Variants in MDGA2 observed in about 807,000 individuals in gnomAD.
MDGA2 encodes the protein MAM domain-containing glycosylphosphatidylinositol anchor protein 2.
In MDGA2, 40 loss-of-function variants were observed where a neutral mutation model predicts 117.8. The ratio of observed to expected loss-of-function variants is 0.34; its 90% CI spans 0.26 to 0.44. MDGA2 has a LOEUF of 0.44. MDGA2 is among the 20% of genes least tolerant of loss of function. The probability of loss-of-function intolerance (pLI) is 1.00; values close to 1 mark genes in which losing one functional copy is unlikely to be tolerated. For synonymous variants in MDGA2, 452 were observed against 439.0 expected, an observed-to-expected ratio of 1.03 and a Z score of -0.37; for missense variants, 1,123 against 1,250.6, an observed-to-expected ratio of 0.90 and a Z score of 1.54.
intron 8 of MDGA2, among the ~76,000 whole-genome samples, chr14:46,978,027 T>C (rs539693229): frequency 6.6e-6 from 1 of 152,112 alleles, no homozygotes; most frequent in South Asian, 2.1e-4. Flanking sequence ...AGAGTATCTT[T>C]ATATTGAACA....
At chr14:47,659,790 T>C (rs548311887) in intron 1 of MDGA2, among the ~76,000 whole-genome samples, 23 of 152,336 alleles carry the variant, frequency 1.5e-4, no homozygotes, top group African/African-American at 5.3e-4. Context: ...ACTAAATGTG[T>C]AAATTGTAAA....
chr14:47,044,242 TTTTA>T (rs1290274322), intron 7 of MDGA2, among the ~76,000 whole-genome samples: 3 of 152,180 alleles, frequency 2.0e-5, no homozygotes, highest in African/African-American at 7.2e-5. Flanking sequence ...ATATGAACTC[TTTTA>T]TTTTTTAATT....
At chr14:47,579,806 G>T (rs530837422) in intron 1 of MDGA2, among the ~76,000 whole-genome samples, 1 of 151,998 alleles carries the variant, frequency 6.6e-6, no homozygotes, top group Non-Finnish European at 1.5e-5. Flanking sequence ...TAGACTCAAC[G>T]CTATACAGAG....
Position 46,855,060 on chromosome 14 carries a change from C to T in MDGA2, c.2847G>A (p.Glu949=), listed in dbSNP as rs764514665. The change falls in exon 15 of 17, where the codon GAG becomes GAA. Residue 949 remains glutamate, a synonymous_variant. Transcript: ENST00000399232. This position sits in a 1 kb window ranked among gnomAD's most constrained non-coding sequence, Gnocchi z 4.1. ...TAATTGGGTATATATTAACATGAGCCTCATTCCATCTTTGTCCTTTATTCC... is the reference window on the plus strand; with the variant it reads ...TAATTGGGTATATATTAACATGAGCTTCATTCCATCTTTGTCCTTTATTCC... The part of the protein sequence containing the change: ...SSGNKGQRWN[E]AHVNIYPITS... 1.9e-6 allele frequency: 3 copies of T among 1,611,050 alleles called. No homozygotes were observed. The highest frequency in any genetic ancestry group is 2.5e-6 in the Non-Finnish European group (3 of 1,178,488).
At chr14:47,149,215 G>A (rs148117079) in intron 3 of MDGA2, among the ~76,000 whole-genome samples, 345 of 152,172 alleles carry the variant, frequency 2.3e-3, no homozygotes, top group African/African-American at 7.3e-3. Flanking sequence ...GCTTGAACCC[G>A]GGAGGTGAAG....
intron 8 of MDGA2, among the ~76,000 whole-genome samples, chr14:46,987,914 G>T (rs1886922254): frequency 7.3e-6 from 1 of 136,662 alleles, no homozygotes; most frequent in Non-Finnish European, 1.6e-5. Flanking sequence ...TGTTGGGACT[G>T]AATATTCTGG....
intron 1 of MDGA2, among the ~76,000 whole-genome samples, chr14:47,508,867 T>C (rs1894578273): frequency 1.3e-5 from 2 of 152,082 alleles, no homozygotes; most frequent in African/African-American, 4.8e-5. Flanking sequence ...TTTTTTTGTA[T>C]TTTTAGTAGA....
chr14:47,450,678 A>T (rs1027362960), intron 1 of MDGA2, among the ~76,000 whole-genome samples: 3 of 152,230 alleles, frequency 2.0e-5, no homozygotes, highest in South Asian at 4.1e-4. Flanking sequence ...CAGGACAGTT[A>T]CATATAGCCT....
chr14:47,289,106 G>T (rs1407752735), intron 2 of MDGA2, among the ~76,000 whole-genome samples: 1 of 151,852 alleles, frequency 6.6e-6, no homozygotes, highest in Non-Finnish European at 1.5e-5. Context: ...TCATTTTAAT[G>T]AGTGTTTCAT....
intron 2 of MDGA2, among the ~76,000 whole-genome samples, chr14:47,276,262 C>T (rs1407023887): frequency 6.6e-6 from 1 of 152,026 alleles, no homozygotes; most frequent in African/African-American, 2.4e-5. Flanking sequence ...AAGGGAACCT[C>T]CTTAGATGAA....
chr14:47,658,783 G>A (rs142925806), intron 1 of MDGA2, among the ~76,000 whole-genome samples: 1 of 152,118 alleles, frequency 6.6e-6, no homozygotes, highest in African/African-American at 2.4e-5. Flanking sequence ...TATTGGCTCT[G>A]CCCCAGGGGC....
intron 2 of MDGA2, among the ~76,000 whole-genome samples, chr14:47,225,201 T>C (rs921880747): frequency 6.6e-6 from 1 of 152,016 alleles, no homozygotes; most frequent in Middle Eastern, 3.2e-3. Context: ...GGAACACTTT[T>C]ACACTGTTGG....
chr14:46,903,323 G>A (rs1433870498), intron 10 of MDGA2, among the ~76,000 whole-genome samples: 1 of 152,144 alleles, frequency 6.6e-6, no homozygotes, highest in Non-Finnish European at 1.5e-5. Context: ...GTATGGGGTT[G>A]TTTCATGTCA....
intron 2 of MDGA2, among the ~76,000 whole-genome samples, chr14:47,258,993 T>C (rs537879251): frequency 6.6e-6 from 1 of 152,238 alleles, no homozygotes; most frequent in South Asian, 2.1e-4. Flanking sequence ...TCTTCAATTA[T>C]GTTGAAAACA....
At chr14:47,547,472 T>A (rs539244857) in intron 1 of MDGA2, among the ~76,000 whole-genome samples, 1 of 152,302 alleles carries the variant, frequency 6.6e-6, no homozygotes, top group Non-Finnish European at 1.5e-5. Flanking sequence ...CTAGGTTTTA[T>A]GTGTTTCCAT....
At chr14:47,417,713 T>C (rs891838903) in intron 1 of MDGA2, among the ~76,000 whole-genome samples, 2 of 152,046 alleles carry the variant, frequency 1.3e-5, no homozygotes, top group Admixed American at 1.3e-4. Context: ...CTGGTACCAA[T>C]TTTCCTTCTT....
intron 3 of MDGA2, among the ~76,000 whole-genome samples, chr14:47,157,609 G>C (rs55648829): frequency 3.1e-5 from 3 of 95,586 alleles, no homozygotes; most frequent in African/African-American, 3.7e-5. Context: ...GTGTGTGTGT[G>C]TGTGTGTGTG....
At chr14:47,374,009 A>G (rs1406589864) in intron 1 of MDGA2, among the ~76,000 whole-genome samples, 1 of 152,146 alleles carries the variant, frequency 6.6e-6, no homozygotes, top group Admixed American at 6.6e-5. Flanking sequence ...CCCACTTAAA[A>G]TGTCAACACT....
chr14:47,110,368 A>T (rs1880973062), intron 5 of MDGA2, among the ~76,000 whole-genome samples: 1 of 152,212 alleles, frequency 6.6e-6, no homozygotes, highest in African/African-American at 2.4e-5. Context: ...CAAGATTTAA[A>T]GCTCTTTTCT....
Sources: gnomAD v4.1 joint callset for allele counts (sites outside exome capture counted in the v4.1 genomes callset) on GRCh38, gnomAD v4.1.1 for gene constraint, Gnocchi (gnomAD v3.1) non-coding constraint, MANE v1.5 for transcripts, NCBI Gene and HGNC (gene_info 2026-07-23, HGNC 2026-07-21) for gene names.